The following CREBBP variants were observed in gnomAD, a reference collection of about 807,000 sequenced individuals.
The protein encoded by CREBBP is CREB-binding protein.
CREBBP carries 19 observed loss-of-function variants against 265.0 expected under a neutral mutation model. That is an observed-to-expected ratio of 0.07 (90% CI 0.05 to 0.11). CREBBP has a LOEUF of 0.11. Among genes scored for constraint, CREBBP ranks in the 10% least tolerant of loss-of-function variants. CREBBP has a pLI of 1.00. For synonymous variants in CREBBP, 1,457 were observed against 1,223.7 expected, an observed-to-expected ratio of 1.19 and a Z score of -3.98; for missense variants, 2,525 against 3,219.0, an observed-to-expected ratio of 0.78 and a Z score of 5.22.
chr16:3,763,648 G>A (rs2052775474), intron 16 of CREBBP, among the ~76,000 whole-genome samples: 1 of 152,014 alleles, frequency 6.6e-6, no homozygotes, highest in Non-Finnish European at 1.5e-5. Flanking sequence ...ATTTTTAGTA[G>A]AGACGGGGTT....
rs1482611421 is a variant in CREBBP, at chr16:3,757,362, T to C, written c.3624A>G (p.Pro1208=). ...YCCGRKYEFS[P]QTLCCYGKQL... ...GCTTCCCATAGCAGCACAAAGTCTG[T>C]GGGGAAAACTCATACTGCAAAAATA... is the stretch of plus-strand genomic sequence containing the variant. The change falls in exon 19 of 31, where the codon CCA becomes CCG. Residue 1208 remains proline (P), a synonymous_variant. Transcript: ENST00000262367. 6.2e-7 allele frequency: 1 copy of C among 1,613,614 alleles called. No individual in the cohort carries two copies.
chr16:3,757,502 T>A, intron 18 of CREBBP, 126 bp from the exon 19 acceptor site: 1 of 948,082 alleles, frequency 1.1e-6, no homozygotes, highest in East Asian at 2.6e-5. Context: ...TTTCTAACAA[T>A]TTTAGTAGCT....
At chr16:3,763,118 G>A (rs184363558) in intron 16 of CREBBP, among the ~76,000 whole-genome samples, 231 of 151,890 alleles carry the variant, frequency 1.5e-3, no homozygotes, top group Non-Finnish European at 2.5e-3. Context: ...ACTGCCCTAG[G>A]CCCTTCTATG....
intron 2 of CREBBP, among the ~76,000 whole-genome samples, chr16:3,825,294 G>T (rs1016941844): frequency 6.6e-6 from 1 of 152,048 alleles, no homozygotes; most frequent in African/African-American, 2.4e-5. Context: ...CACTGCTAAG[G>T]GCATTAAGTT....
At chr16:3,794,671 G>C (rs2053573947) in intron 3 of CREBBP, among the ~76,000 whole-genome samples, 1 of 152,216 alleles carries the variant, frequency 6.6e-6, no homozygotes, top group Admixed American at 6.5e-5. Context: ...GCTTTCAGTT[G>C]CCTGAAATAA....
intron 3 of CREBBP, among the ~76,000 whole-genome samples, chr16:3,803,953 A>G (rs1423249866): frequency 2.0e-5 from 3 of 151,962 alleles, no homozygotes; most frequent in African/African-American, 7.3e-5. Context: ...GCATGGTGGC[A>G]CGTGCCTGTG....
intron 2 of CREBBP, among the ~76,000 whole-genome samples, chr16:3,834,929 C>T (rs918461504): frequency 1.1e-4 from 16 of 152,194 alleles, no homozygotes; most frequent in Non-Finnish European, 1.6e-4. Context: ...GAGGCCGAGG[C>T]GGGCGGATCA....
At chr16:3,753,602 C>T (rs2052523082) in intron 19 of CREBBP, among the ~76,000 whole-genome samples, 1 of 152,034 alleles carries the variant, frequency 6.6e-6, no homozygotes, top group Admixed American at 6.5e-5. Flanking sequence ...TGGCCATTCA[C>T]TATTTTGTAA....
chr16:3,770,424 G>T, intron 14 of CREBBP, 146 bp downstream of exon 14: 1 of 959,714 alleles, frequency 1.0e-6, no homozygotes, highest in Non-Finnish European at 1.7e-6. Flanking sequence ...TTGAACTCAT[G>T]GGCTCAAGTG....
intron 3 of CREBBP, among the ~76,000 whole-genome samples, chr16:3,800,545 G>A (rs1474236325): frequency 1.3e-5 from 2 of 151,936 alleles, no homozygotes; most frequent in East Asian, 1.9e-4. Flanking sequence ...TTTACAATGA[G>A]AATAAAGACA....
intron 8 of CREBBP, among the ~76,000 whole-genome samples, chr16:3,780,072 T>C (rs578219283): frequency 1.1e-4 from 17 of 151,956 alleles, no homozygotes; most frequent in African/African-American, 2.9e-4. Flanking sequence ...TGAAACCCTG[T>C]CTCTACCAAA....
At chr16:3,791,495 G>C (rs1478624966) in intron 5 of CREBBP, among the ~76,000 whole-genome samples, 1 of 152,186 alleles carries the variant, frequency 6.6e-6, no homozygotes, top group Non-Finnish European at 1.5e-5. Context: ...ATAAATGTCT[G>C]TGTGGGATTT....
chr16:3,744,790 A>G lies in CREBBP; in HGVS notation c.3982+104T>C, dbSNP rs129973. 5,829 of 887,250 alleles carry G rather than the reference A, an allele frequency of 6.6e-3. 235 individuals are homozygous for G. In the African/African-American group the frequency reaches 0.083, roughly 13 times the overall value. 55.0% of individuals were successfully genotyped at this position (887,250 alleles called of 1,614,324 possible). ...AACTAACGAAAATCTTTGACAACCG[A>G]ACCTCAGAACCATGTGTTGAGAGGA... is the stretch of plus-strand genomic sequence containing the variant. On this transcript the variant is annotated intron_variant, in intron 23 of 30. Coordinates refer to ENST00000262367, the MANE Select transcript of CREBBP (RefSeq NM_004380.3).
intron 1 of CREBBP, among the ~76,000 whole-genome samples, chr16:3,875,410 T>A (rs2055379259): frequency 6.6e-6 from 1 of 152,138 alleles, no homozygotes; most frequent in East Asian, 1.9e-4. Flanking sequence ...TGGGGTAACA[T>A]AACCGTTTCT....
At chr16:3,734,868 A>T (rs552682233) in intron 28 of CREBBP, among the ~76,000 whole-genome samples, 1 of 152,288 alleles carries the variant, frequency 6.6e-6, no homozygotes, top group Admixed American at 6.5e-5. Flanking sequence ...CATATGGGAC[A>T]GGCACCAGAG....
At chr16:3,748,889 G>T (rs967928868) in intron 21 of CREBBP, among the ~76,000 whole-genome samples, 4 of 152,206 alleles carry the variant, frequency 2.6e-5, no homozygotes, top group South Asian at 4.1e-4. Flanking sequence ...CTCACGCCTG[G>T]AATCCCAGCA....
intron 23 of CREBBP, among the ~76,000 whole-genome samples, chr16:3,744,251 C>T (rs150148194): frequency 1.6e-4 from 25 of 152,250 alleles, no homozygotes; most frequent in African/African-American, 6.0e-4. Flanking sequence ...ATGGCTCATA[C>T]CCCACTGTAG....
At chr16:3,760,450 T>A (rs1381667896) in intron 16 of CREBBP, among the ~76,000 whole-genome samples, 1 of 129,070 alleles carries the variant, frequency 7.7e-6, no homozygotes, top group Non-Finnish European at 1.6e-5. Context: ...TCACCCAGGC[T>A]GGAGTGCAGT....
chr16:3,821,097 A>T (rs1358785740), intron 2 of CREBBP, among the ~76,000 whole-genome samples: 2 of 152,204 alleles, frequency 1.3e-5, no homozygotes, highest in Non-Finnish European at 2.9e-5. Context: ...CAGCCATGTA[A>T]CTGGGACAAA....
Sources: gnomAD v4.1 joint callset for allele counts (sites outside exome capture counted in the v4.1 genomes callset) on GRCh38, gnomAD v4.1.1 for gene constraint, MANE v1.5 for transcripts, NCBI Gene and HGNC (gene_info 2026-07-23, HGNC 2026-07-21) for gene names.